The following POLD1 variants were observed in gnomAD, a reference collection of about 807,000 sequenced individuals.
POLD1 encodes DNA polymerase delta catalytic subunit.
POLD1 carries 79 observed loss-of-function variants against 129.7 expected under a neutral mutation model. The ratio of observed to expected loss-of-function variants is 0.61; its 90% CI spans 0.51 to 0.73. The LOEUF (loss-of-function observed/expected upper bound fraction) is 0.73, where lower values mean the gene tolerates loss of function less well. Ranked by LOEUF, POLD1 falls within the 30% of genes least tolerant of loss-of-function variation. POLD1 has a pLI of 0.00. For missense variants in POLD1, 1,338 were observed against 1,595.8 expected (o/e 0.84, Z 2.75); for synonymous variants, 714 against 683.3 (o/e 1.04, Z -0.70).
At chr19:50,416,243 C>T (rs2039283107) in intron 22 of POLD1, 153 bp from the exon 23 acceptor site, 7 of 713,640 alleles carry the variant, frequency 9.8e-6, no homozygotes, top group African/African-American at 1.8e-5. Flanking sequence ...CCCAGAGACT[C>T]CGTGACCTCC....
chr19:50,416,558 C>G, intron 23 of POLD1, 30 bp downstream of exon 23: 1 of 1,547,904 alleles, frequency 6.5e-7, no homozygotes, highest in Non-Finnish European at 8.7e-7. Context: ...CTGGGGGCAC[C>G]CTGGGGGGGC....
chr19:50,403,262 G>A (rs544032468), intron 9 of POLD1, 43 bp downstream of exon 9: 12 of 1,497,390 alleles, frequency 8.0e-6, no homozygotes, highest in East Asian at 7.4e-5. Context: ...CGGGGTCCCC[G>A]CCAGCCTCCG....
At chr19:50,391,467 G>A (rs1373501904) in intron 1 of POLD1, among the ~76,000 whole-genome samples, 11 of 152,286 alleles carry the variant, frequency 7.2e-5, no homozygotes, top group African/African-American at 1.9e-4. Context: ...AGGCCCAGGC[G>A]GGCAGATCAC....
intron 1 of POLD1, among the ~76,000 whole-genome samples, chr19:50,389,798 C>T (rs2038091201): frequency 6.6e-6 from 1 of 151,416 alleles, no homozygotes; most frequent in South Asian, 2.1e-4. Context: ...TTTGGCCAGG[C>T]TGGTCTCGAA....
chr19:50,411,611 C>A (rs562969593), intron 17 of POLD1, among the ~76,000 whole-genome samples: 2 of 152,154 alleles, frequency 1.3e-5, no homozygotes, highest in African/African-American at 2.4e-5. Context: ...GAGGCCGAGG[C>A]GGGCGGATCA....
At chr19:50,387,076 C>G (rs1315470685) in intron 1 of POLD1, among the ~76,000 whole-genome samples, 1 of 152,048 alleles carries the variant, frequency 6.6e-6, no homozygotes, top group Non-Finnish European at 1.5e-5. Flanking sequence ...CCTGTAATCC[C>G]AGCACTTTGG....
Position 50,414,711 on chromosome 19 carries a change from C to G in POLD1, c.2389-104C>G. The G allele has an allele frequency of 3.1e-6, 3 of 973,186 alleles. No homozygotes were observed. The South Asian group carries it at 6.0e-5, about 20-fold the overall frequency. 60.3% of individuals were successfully genotyped at this position (973,186 alleles called of 1,614,324 possible). On this transcript the variant is annotated intron_variant, in intron 19 of 26. Transcript: ENST00000440232. Reference sequence around the variant, plus strand: ...GCTCAGGGCACGGCTCCCATGTCCTCAAACTGCGTCTGGGACCCTGTCTAC... The same window carrying G: ...GCTCAGGGCACGGCTCCCATGTCCTGAAACTGCGTCTGGGACCCTGTCTAC...
chr19:50,413,381 A>T, intron 17 of POLD1, 45 bp from the exon 18 acceptor site: 1 of 1,547,194 alleles, frequency 6.5e-7, no homozygotes, highest in Non-Finnish European at 8.9e-7. Context: ...CGTTCACTGC[A>T]CATGGCCCCC....
Position 50,417,981 on chromosome 19 carries a change from C to G in POLD1, c.*34C>G. On this transcript the variant is annotated 3_prime_UTR_variant, in exon 27 of 27. Coordinates refer to ENST00000440232, the MANE Select transcript of POLD1 (RefSeq NM_002691.4). ...GCATCCCATGGGGCGGGGGCGGGAC[C>G]AGGGAGAATTAATAAAGTTCTGGAC... The G allele has an allele frequency of 2.3e-6, 3 of 1,284,750 alleles. No homozygotes were observed. Among genetic ancestry groups the G allele is most frequent in the Non-Finnish European group, 3.4e-6 (3 of 893,252 alleles). 79.6% of individuals were successfully genotyped at this position (1,284,750 alleles called of 1,614,324 possible). A position where few individuals can be genotyped will look rare whatever the true frequency, so the allele number is the denominator to read the frequency against.
At chr19:50,394,140 T>C (rs1416171587) in intron 1 of POLD1, 1 of 152,212 alleles carries the variant, frequency 6.6e-6, no homozygotes, top group Non-Finnish European at 1.5e-5. Flanking sequence ...GTCCTTGTGG[T>C]TGGCTCTCCC....
At chr19:50,401,389 ATATTTTT>A (rs1276950139) in intron 3 of POLD1, among the ~76,000 whole-genome samples, 103 of 60,246 alleles carry the variant, frequency 1.7e-3, no homozygotes, top group African/African-American at 2.4e-3. Flanking sequence ...ATATATATAT[ATATTTTT>A]TTTTTTTTTT....
rs149742605 is a variant in POLD1, at chr19:50,417,163, C to T, written c.3121-9C>T. On this transcript the variant is annotated splice_polypyrimidine_tract_variant and intron_variant, in intron 25 of 26. Transcript: ENST00000440232. ...CGGGGGCGCCCTGCTCAGCCGCTGC[C>T]GTCCCCAGGTATCCCATCTGAATGC... 3.2e-5 allele frequency: 51 copies of T among 1,595,174 alleles called. No individual in the cohort carries two copies. Among genetic ancestry groups the T allele is most frequent in the Middle Eastern group, 1.7e-4 (1 of 6,002 alleles).
Position 50,406,226 on chromosome 19 carries a change from C to T in POLD1, c.1287C>T (p.Ser429=), listed in dbSNP as rs2038873099. 1.2e-6 allele frequency: 2 copies of T among 1,613,862 alleles called. No homozygotes were observed. The highest frequency in any genetic ancestry group is 1.3e-5 in the African/African-American group (1 of 74,896). Residue 429 remains serine, a synonymous_variant, in exon 11 of 27, where the codon TCC becomes TCT. Coordinates refer to ENST00000440232, the MANE Select transcript of POLD1 (RefSeq NM_002691.4). The surrounding 1 kb of genome is among the most constrained non-coding windows in gnomAD (Gnocchi z 5.5). ...PFLGRVAGLC[S]NIRDSSFQSK... Reference sequence around the variant, plus strand: ...TGGGCCGTGTGGCCGGCCTTTGCTCCAACATCCGGGACTCTTCATTCCAGT... The same window carrying T: ...TGGGCCGTGTGGCCGGCCTTTGCTCTAACATCCGGGACTCTTCATTCCAGT...
At chr19:50,412,250 TC>T (rs2039112256) in intron 17 of POLD1, among the ~76,000 whole-genome samples, 1 of 152,126 alleles carries the variant, frequency 6.6e-6, no homozygotes, top group Non-Finnish European at 1.5e-5. Context: ...CCTCCCGGGT[TC>T]AAGTGATTCT....
At chr19:50,407,282 G>A (rs540444471) in intron 13 of POLD1, 45 bp from the exon 14 acceptor site, 15 of 1,569,202 alleles carry the variant, frequency 9.6e-6, no homozygotes, top group African/African-American at 8.1e-5. Context: ...CAATCCGCAC[G>A]GCCCCACCTA....
At chr19:50,413,388 C>G (rs1387212182) in intron 17 of POLD1, 38 bp from the exon 18 acceptor site, 15 of 1,571,126 alleles carry the variant, frequency 9.5e-6, no homozygotes, top group East Asian at 2.3e-5. Context: ...TGCACATGGC[C>G]CCCAGGGCTT....
chr19:50,396,449 C>T (rs1448609686), intron 1 of POLD1, among the ~76,000 whole-genome samples: 1 of 150,236 alleles, frequency 6.7e-6, no homozygotes, highest in African/African-American at 2.5e-5. Flanking sequence ...TATTGTATAT[C>T]TTGTCAAAAT....
rs1265160332 is a variant in POLD1 at position 50,401,400 on chromosome 19, T to A, written c.317-378T>A. ...ATATATATATATATATATTTTTTTT[T>A]TTTTTTTTTTTTTTTCTTTTTTTTG... On this transcript the variant is annotated intron_variant, in intron 3 of 26. Transcript: ENST00000440232. Among the ~76,000 whole-genome samples, 892 of 117,660 alleles carry A rather than the reference T, an allele frequency of 7.6e-3. 1 individual carries two copies. Among genetic ancestry groups the A allele is most frequent in the African/African-American group, 0.01 (290 of 28,000 alleles). The allele number at this position is 117,660 out of a possible 152,430, so 77.2% of individuals were successfully genotyped here.
At chr19:50,394,306 GC>G (rs1478693749) in intron 1 of POLD1, among the ~76,000 whole-genome samples, 3 of 152,222 alleles carry the variant, frequency 2.0e-5, no homozygotes, top group African/African-American at 7.2e-5. Flanking sequence ...TGGCTGGGCA[GC>G]CTGTGGCCAC....
Sources: gnomAD v4.1 joint callset for allele counts (sites outside exome capture counted in the v4.1 genomes callset) on GRCh38, gnomAD v4.1.1 for gene constraint, Gnocchi (gnomAD v3.1) non-coding constraint, MANE v1.5 for transcripts, NCBI Gene and HGNC (gene_info 2026-07-23, HGNC 2026-07-21) for gene names.